ADAMTSL1: variants seen among roughly 807,000 people sequenced by gnomAD.
ADAMTSL1 encodes the protein ADAMTS like 1.
Under a neutral mutation model 201.8 loss-of-function variants are expected in ADAMTSL1, and 126 were observed. That is an observed-to-expected ratio of 0.62 (90% CI 0.54 to 0.72). The LOEUF (loss-of-function observed/expected upper bound fraction) is 0.72. ADAMTSL1 is among the 30% of genes least tolerant of loss of function. The probability of loss-of-function intolerance (pLI) is 0.00; values close to 1 mark genes in which losing one functional copy is unlikely to be tolerated. For synonymous variants in ADAMTSL1, 1,121 were observed against 903.4 expected (o/e 1.24, Z -4.32); for missense variants, 2,679 against 2,277.8 (o/e 1.18, Z -3.59).
chr9:18,586,917 C>T (rs1053112437), intron 4 of ADAMTSL1, among the ~76,000 whole-genome samples: 1 of 152,054 alleles, frequency 6.6e-6, no homozygotes, highest in Non-Finnish European at 1.5e-5. Context: ...AACTGGACCC[C>T]TTCCTTATAT....
intron 1 of ADAMTSL1, among the ~76,000 whole-genome samples, chr9:17,992,028 C>G (rs1229173309): frequency 6.6e-6 from 1 of 152,128 alleles, no homozygotes; most frequent in African/African-American, 2.4e-5. Flanking sequence ...ATTGATTGCC[C>G]TTCCCTGCTC....
At chr9:18,207,797 C>T (rs1335445793) in intron 2 of ADAMTSL1, among the ~76,000 whole-genome samples, 3 of 148,384 alleles carry the variant, frequency 2.0e-5, no homozygotes, top group Non-Finnish European at 4.5e-5. Flanking sequence ...TGAAACAATA[C>T]AGAGTGTTAA....
chr9:18,146,401 T>C (rs987113827), intron 1 of ADAMTSL1, among the ~76,000 whole-genome samples: 4 of 152,166 alleles, frequency 2.6e-5, no homozygotes, highest in Non-Finnish European at 5.9e-5. Context: ...AGGTATGAGC[T>C]ATCAAGCCAT....
At chr9:18,695,257 G>A (rs947264835) in intron 13 of ADAMTSL1, among the ~76,000 whole-genome samples, 1 of 152,212 alleles carries the variant, frequency 6.6e-6, no homozygotes. Context: ...GGGAAGGGCT[G>A]CTGTGAAGGT....
chr9:18,613,155 C>T (rs1415123547), intron 4 of ADAMTSL1, among the ~76,000 whole-genome samples: 4 of 152,114 alleles, frequency 2.6e-5, no homozygotes, highest in African/African-American at 9.7e-5. Flanking sequence ...ACCAAAACCA[C>T]AATGAGATAG....
At chr9:18,745,182 A>G (rs1333078238) in intron 15 of ADAMTSL1, among the ~76,000 whole-genome samples, 2 of 152,174 alleles carry the variant, frequency 1.3e-5, no homozygotes, top group Non-Finnish European at 2.9e-5. Flanking sequence ...TTTAATATTG[A>G]TTGATGATTA....
chr9:18,331,015 G>T (rs774297648), intron 2 of ADAMTSL1, among the ~76,000 whole-genome samples: 46 of 152,274 alleles, frequency 3.0e-4, no homozygotes, highest in African/African-American at 4.3e-4. Context: ...CCTCAATTGG[G>T]TATGGCATAG....
At chr9:18,672,904 C>T (rs1829910254) in intron 9 of ADAMTSL1, among the ~76,000 whole-genome samples, 1 of 152,194 alleles carries the variant, frequency 6.6e-6, no homozygotes, top group Non-Finnish European at 1.5e-5. Context: ...CTTACCACCA[C>T]AACCCCTGAT....
At chr9:18,529,795 G>A (rs1284853744) in intron 2 of ADAMTSL1, among the ~76,000 whole-genome samples, 1 of 152,058 alleles carries the variant, frequency 6.6e-6, no homozygotes, top group East Asian at 1.9e-4. Flanking sequence ...TCTCAAAAAA[G>A]TAATATATTA....
At chr9:18,126,077 A>G (rs1426522412) in intron 1 of ADAMTSL1, among the ~76,000 whole-genome samples, 1 of 152,242 alleles carries the variant, frequency 6.6e-6, no homozygotes, top group African/African-American at 2.4e-5. Flanking sequence ...ACTCACATTC[A>G]GAATGAGTCT....
intron 1 of ADAMTSL1, among the ~76,000 whole-genome samples, chr9:18,161,135 C>T (rs1827371091): frequency 6.6e-6 from 1 of 151,972 alleles, no homozygotes. Flanking sequence ...GACATTCTTT[C>T]TTAAACAAAT....
chr9:18,010,562 T>A (rs1820009824), intron 1 of ADAMTSL1, among the ~76,000 whole-genome samples: 1 of 151,988 alleles, frequency 6.6e-6, no homozygotes, highest in African/African-American at 2.4e-5. Context: ...ATTCAACATC[T>A]GCTGAAGGAT....
intron 1 of ADAMTSL1, among the ~76,000 whole-genome samples, chr9:18,120,943 A>G (rs989154700): frequency 5.3e-5 from 8 of 152,216 alleles, no homozygotes; most frequent in African/African-American, 1.9e-4. Context: ...CCCTTCCTAT[A>G]TAGACTCTAC....
upstream of ADAMTSL1, among the ~76,000 whole-genome samples, chr9:18,469,968 C>A (rs1323540948): frequency 1.3e-5 from 2 of 152,118 alleles, no homozygotes; most frequent in Non-Finnish European, 2.9e-5. Context: ...AATAAATGTA[C>A]CTACCCCATA....
chr9:18,209,690 C>A (rs1829791989), intron 2 of ADAMTSL1, among the ~76,000 whole-genome samples: 1 of 152,136 alleles, frequency 6.6e-6, no homozygotes, highest in Non-Finnish European at 1.5e-5. Flanking sequence ...GAAAGATACC[C>A]TTATTCATGT....
At chr9:18,588,793 T>C (rs1294940107) in intron 4 of ADAMTSL1, among the ~76,000 whole-genome samples, 1 of 151,224 alleles carries the variant, frequency 6.6e-6, no homozygotes, top group Non-Finnish European at 1.5e-5. Flanking sequence ...TTCTGGGTTC[T>C]CTATTCTGTT....
chr9:18,372,877 G>C (rs1481637057), intron 2 of ADAMTSL1, among the ~76,000 whole-genome samples: 1 of 152,020 alleles, frequency 6.6e-6, no homozygotes, highest in Non-Finnish European at 1.5e-5. Context: ...CACTAAATGG[G>C]ACAAAGCAAC....
Position 18,622,244 on chromosome 9 carries a change from T to C in ADAMTSL1, c.476T>C (p.Ile159Thr), listed in dbSNP as rs758055717. The part of the protein sequence containing the change: ...LDMCISGLCQ[I>T]VGCDHQLGST... ...TTACACATCTCTCTTTCTTGTTAGATTGTTGGCTGCGATCACCAGCTGGGA... is the reference window on the plus strand; with the variant it reads ...TTACACATCTCTCTTTCTTGTTAGACTGTTGGCTGCGATCACCAGCTGGGA... The change falls in exon 5 of 29, where the codon ATT becomes ACT. Residue 159 changes from isoleucine (I) to threonine (T), a missense_variant and splice_region_variant. Physicochemically the swap from Ile to Thr is moderately conservative, Grantham distance 89. Transcript: ENST00000380548. The C allele has an allele frequency of 1.6e-5, 26 of 1,613,628 alleles. No homozygotes were observed. Among genetic ancestry groups the C allele is most frequent in the Non-Finnish European group, 2.1e-5 (25 of 1,179,802 alleles).
At chr9:18,296,809 G>A (rs1044404030) in intron 2 of ADAMTSL1, among the ~76,000 whole-genome samples, 1 of 152,042 alleles carries the variant, frequency 6.6e-6, no homozygotes, top group African/African-American at 2.4e-5. Context: ...GCTCTCTTGT[G>A]GTTTCTCTCA....
Sources: allele counts gnomAD v4.1 joint callset (sites outside exome capture counted in the v4.1 genomes callset), GRCh38; gene constraint gnomAD v4.1.1; transcripts MANE v1.5; gene names NCBI Gene and HGNC (gene_info 2026-07-23, HGNC 2026-07-21).